ENTREP1: variants seen among roughly 807,000 people sequenced by gnomAD.
ENTREP1 encodes the protein Friedreich ataxia region gene X123.
the ENTREP1 span, among the ~76,000 whole-genome samples, chr9:69,354,046 C>T: frequency 6.6e-6 from 1 of 151,976 alleles, no homozygotes; most frequent in Non-Finnish European, 1.5e-5. Context: ...AAATTTCAGC[C>T]TTGACAATAG....
chr9:69,376,953 T>G, the ENTREP1 span, among the ~76,000 whole-genome samples: 1 of 152,130 alleles, frequency 6.6e-6, no homozygotes, highest in Non-Finnish European at 1.5e-5. Context: ...GGCCACAAAT[T>G]AAGCAGTGTG....
At chr9:69,329,086 T>C in the ENTREP1 span, among the ~76,000 whole-genome samples, 2 of 152,260 alleles carry the variant, frequency 1.3e-5, no homozygotes, top group Non-Finnish European at 2.9e-5. Flanking sequence ...CATGTTTATT[T>C]ATTCACTCAC....
chr9:69,335,797 A>G, the ENTREP1 span, among the ~76,000 whole-genome samples: 2 of 48,818 alleles, frequency 4.1e-5, no homozygotes, highest in Middle Eastern at 0.01. Context: ...GTGTGTTCTT[A>G]ATTGACATTA....
chr9:69,363,358 GA>G, the ENTREP1 span, among the ~76,000 whole-genome samples: 9 of 152,130 alleles, frequency 5.9e-5, no homozygotes, highest in Non-Finnish European at 1.2e-4. Context: ...AGAACAATAG[GA>G]ATGGGGCTTA....
the ENTREP1 span, among the ~76,000 whole-genome samples, chr9:69,326,510 G>A: frequency 1.3e-5 from 2 of 152,146 alleles, no homozygotes; most frequent in Admixed American, 1.3e-4. Context: ...TGAGCCTGGG[G>A]CCAAAGAGTG....
chr9:69,359,198 A>C, the ENTREP1 span, among the ~76,000 whole-genome samples: 1 of 152,074 alleles, frequency 6.6e-6, no homozygotes, highest in South Asian at 2.1e-4. Context: ...GAGCCACTGC[A>C]CCCAGCCAAA....
chr9:69,344,117 G>A, the ENTREP1 span, among the ~76,000 whole-genome samples: 1 of 152,208 alleles, frequency 6.6e-6, no homozygotes, highest in African/African-American at 2.4e-5. Flanking sequence ...AGACTACAGT[G>A]ATCAATTTCT....
the ENTREP1 span, among the ~76,000 whole-genome samples, chr9:69,350,230 A>G: frequency 6.6e-5 from 10 of 151,980 alleles, no homozygotes; most frequent in Non-Finnish European, 5.9e-5. Context: ...TAGGTCTTTC[A>G]TTTTTTTGAG....
At chr9:69,366,227 A>G in the ENTREP1 span, among the ~76,000 whole-genome samples, 2 of 152,140 alleles carry the variant, frequency 1.3e-5, no homozygotes, top group Non-Finnish European at 2.9e-5. Context: ...CATTCTAACT[A>G]TAAGATGTTA....
At chr9:69,359,050 C>T in the ENTREP1 span, among the ~76,000 whole-genome samples, 8 of 151,778 alleles carry the variant, frequency 5.3e-5, no homozygotes, top group Admixed American at 2.6e-4. Context: ...GGATTATAGG[C>T]GTGTATCACC....
the ENTREP1 span, chr9:69,377,749 C>T: frequency 1.6e-5 from 25 of 1,608,004 alleles, no homozygotes; most frequent in South Asian, 4.4e-5. Flanking sequence ...CCGCAGGTAT[C>T]GTTCCTGAGT....
the ENTREP1 span, among the ~76,000 whole-genome samples, chr9:69,367,742 C>T: frequency 1.3e-3 from 71 of 54,102 alleles, 1 homozygote; most frequent in African/African-American, 5.4e-3. Flanking sequence ...TATATATATA[C>T]ACATATATAA....
the ENTREP1 span, chr9:69,383,948 G>A: frequency 2.5e-6 from 4 of 1,613,310 alleles, no homozygotes; most frequent in Non-Finnish European, 2.5e-6. Flanking sequence ...GTGATGCAGG[G>A]ATCTTCATTC....
chr9:69,372,588 G>A, the ENTREP1 span, among the ~76,000 whole-genome samples: 1 of 152,188 alleles, frequency 6.6e-6, no homozygotes, highest in Admixed American at 6.6e-5. Context: ...ATTTATCTGT[G>A]ATGGATATTT....
chr9:69,383,727 G>A, the ENTREP1 span: 32 of 1,614,018 alleles, frequency 2.0e-5, no homozygotes, highest in Admixed American at 3.5e-4. Context: ...GCCGCCATAT[G>A]AAGCTGTGGT....
At chr9:69,343,752 A>G in the ENTREP1 span, among the ~76,000 whole-genome samples, 2 of 152,204 alleles carry the variant, frequency 1.3e-5, no homozygotes, top group Non-Finnish European at 2.9e-5. Context: ...AATTTCATCA[A>G]TGGCATCTCA....
the ENTREP1 span, among the ~76,000 whole-genome samples, chr9:69,337,819 T>G: frequency 7.2e-5 from 11 of 152,314 alleles, 1 homozygote; most frequent in South Asian, 2.3e-3. Flanking sequence ...CTCTTATTTT[T>G]ATTTGTCTCA....
the ENTREP1 span, among the ~76,000 whole-genome samples, chr9:69,331,589 A>T: frequency 6.6e-6 from 1 of 152,316 alleles, no homozygotes; most frequent in South Asian, 2.1e-4. Context: ...CATTCAGGGC[A>T]AGTTTCATCT....
the ENTREP1 span, among the ~76,000 whole-genome samples, chr9:69,367,171 G>C: frequency 6.1e-5 from 9 of 148,084 alleles, no homozygotes; most frequent in Non-Finnish European, 1.2e-4. Flanking sequence ...GGCTTGAGTG[G>C]TCCTCCCACC....
Sources: gnomAD v4.1 joint callset for allele counts (sites outside exome capture counted in the v4.1 genomes callset) on GRCh38, gnomAD v4.1.1 for gene constraint, MANE v1.5 for transcripts, NCBI Gene and HGNC (gene_info 2026-07-23, HGNC 2026-07-21) for gene names.